LSAMP: variants seen among roughly 807,000 people sequenced by gnomAD.
The protein encoded by LSAMP is limbic system associated membrane protein.
LSAMP carries 7 observed loss-of-function variants against 38.6 expected under a neutral mutation model. That is an observed-to-expected ratio of 0.18 (90% confidence interval 0.10 to 0.34). The LOEUF is 0.34. Among genes scored for constraint, LSAMP ranks in the 10% least tolerant of loss-of-function variants. The pLI is 1.00. For missense variants in LSAMP, 313 were observed against 420.0 expected (o/e 0.75, Z 2.23); for synonymous variants, 154 against 166.8 (o/e 0.92, Z 0.59).
intron 1 of LSAMP, among the ~76,000 whole-genome samples, chr3:116,204,516 A>G (rs961013348): frequency 6.6e-6 from 1 of 150,772 alleles, no homozygotes; most frequent in African/African-American, 2.4e-5. Context: ...GTTTTCTTCT[A>G]GGGTTTTTAT....
At chr3:116,132,296 A>G (rs1008648678) in intron 1 of LSAMP, among the ~76,000 whole-genome samples, 2 of 152,088 alleles carry the variant, frequency 1.3e-5, no homozygotes, top group African/African-American at 4.8e-5. Context: ...GCCTTGAAAG[A>G]CAAGCATCTT....
intron 3 of LSAMP, among the ~76,000 whole-genome samples, chr3:115,934,428 C>T (rs762979808): frequency 5.9e-5 from 9 of 152,068 alleles, no homozygotes; most frequent in Non-Finnish European, 1.0e-4. Context: ...CCACCTGCCT[C>T]GGCCTCCCAA....
intron 1 of LSAMP, among the ~76,000 whole-genome samples, chr3:116,209,433 C>G (rs2046122358): frequency 6.6e-6 from 1 of 152,162 alleles, no homozygotes; most frequent in African/African-American, 2.4e-5. Flanking sequence ...CCTCAAATTT[C>G]TATATTTTTA....
intron 1 of LSAMP, among the ~76,000 whole-genome samples, chr3:116,090,674 G>A (rs9822568): frequency 0.15 from 22,488 of 152,060 alleles, 1,735 homozygotes; most frequent in Non-Finnish European, 0.17. Context: ...GTACAAAAGA[G>A]AGAAATTTTA....
At chr3:116,169,262 A>T (rs1041949638) in intron 1 of LSAMP, among the ~76,000 whole-genome samples, 1 of 152,158 alleles carries the variant, frequency 6.6e-6, no homozygotes, top group Non-Finnish European at 1.5e-5. Context: ...AGGATAAGGC[A>T]TATGGGGGGA....
intron 1 of LSAMP, among the ~76,000 whole-genome samples, chr3:116,389,779 C>G (rs1019551974): frequency 6.6e-6 from 1 of 152,042 alleles, no homozygotes; most frequent in African/African-American, 2.4e-5. Flanking sequence ...ACTTCTGAAC[C>G]TAGAACATAT....
intron 3 of LSAMP, among the ~76,000 whole-genome samples, chr3:115,998,824 C>T (rs747438632): frequency 5.9e-5 from 9 of 152,048 alleles, no homozygotes; most frequent in South Asian, 2.1e-4. Context: ...GCCCGTGTTC[C>T]GACAGCCTGC....
chr3:116,331,803 C>T (rs902517269), intron 1 of LSAMP, among the ~76,000 whole-genome samples: 3 of 152,054 alleles, frequency 2.0e-5, no homozygotes, highest in African/African-American at 7.2e-5. Flanking sequence ...TAACTTCACT[C>T]TTTGTTTTGT....
At chr3:116,161,147 T>C (rs1000075211) in intron 1 of LSAMP, among the ~76,000 whole-genome samples, 4 of 152,172 alleles carry the variant, frequency 2.6e-5, no homozygotes, top group Non-Finnish European at 5.9e-5. Context: ...AGAGTTTAGC[T>C]TCAGAATATA....
intron 1 of LSAMP, among the ~76,000 whole-genome samples, chr3:116,122,501 C>G (rs1708906712): frequency 1.3e-5 from 2 of 152,140 alleles, no homozygotes; most frequent in Admixed American, 1.3e-4. Flanking sequence ...CTGTAAAGTA[C>G]TTACCATTCT....
intron 3 of LSAMP, among the ~76,000 whole-genome samples, chr3:115,997,046 T>C (rs1383343304): frequency 6.6e-6 from 1 of 152,158 alleles, no homozygotes. Context: ...TTAGTTGTTA[T>C]AGAGCCCTGT....
At chr3:116,307,961 C>T (rs1038100241) in intron 1 of LSAMP, among the ~76,000 whole-genome samples, 1 of 151,786 alleles carries the variant, frequency 6.6e-6, no homozygotes, top group Non-Finnish European at 1.5e-5. Flanking sequence ...ATAAAATGCA[C>T]ATGATAATAA....
chr3:115,920,269 G>A (rs1408264849), intron 3 of LSAMP, among the ~76,000 whole-genome samples: 1 of 152,000 alleles, frequency 6.6e-6, no homozygotes, highest in Non-Finnish European at 1.5e-5. Flanking sequence ...CTCTTTACTG[G>A]TTTCCATACT....
intron 1 of LSAMP, among the ~76,000 whole-genome samples, chr3:116,325,549 G>T (rs577071398): frequency 2.6e-4 from 39 of 152,216 alleles, no homozygotes; most frequent in African/African-American, 8.9e-4. Context: ...ATTTCCACTG[G>T]AGGTAGAACT....
intron 1 of LSAMP, among the ~76,000 whole-genome samples, chr3:116,403,727 T>G (rs2048867768): frequency 6.6e-6 from 1 of 151,890 alleles, no homozygotes; most frequent in African/African-American, 2.4e-5. Context: ...AGTTGCAAAA[T>G]GTAGATTTGG....
intron 6 of LSAMP, among the ~76,000 whole-genome samples, chr3:115,834,190 T>C (rs764643932): frequency 6.6e-6 from 1 of 152,124 alleles, no homozygotes; most frequent in South Asian, 2.1e-4. Flanking sequence ...AACTTCCAAC[T>C]GTGAGGGTAG....
intron 1 of LSAMP, among the ~76,000 whole-genome samples, chr3:116,387,937 C>CA (rs1308656418): frequency 3.3e-5 from 5 of 150,838 alleles, no homozygotes; most frequent in African/African-American, 1.2e-4. Context: ...ACTAAAAATA[C>CA]AAAAAAGAAA....
chr3:116,333,128 G>T (rs2047872278), intron 1 of LSAMP, among the ~76,000 whole-genome samples: 1 of 152,130 alleles, frequency 6.6e-6, no homozygotes, highest in East Asian at 1.9e-4. Flanking sequence ...AAACCAACTA[G>T]ATCTACCAGA....
chr3:116,306,893 G>A (rs576046746), intron 1 of LSAMP, among the ~76,000 whole-genome samples: 2 of 151,980 alleles, frequency 1.3e-5, no homozygotes, highest in East Asian at 3.9e-4. Flanking sequence ...AGAGTCGTCT[G>A]AGGCCCTTTA....
Sources: gnomAD v4.1 joint callset for allele counts (sites outside exome capture counted in the v4.1 genomes callset) on GRCh38, gnomAD v4.1.1 for gene constraint, MANE v1.5 for transcripts, NCBI Gene and HGNC (gene_info 2026-07-23, HGNC 2026-07-21) for gene names.